Variants in ABLIM1 observed in about 807,000 individuals in gnomAD.
ABLIM1 encodes the protein actin-binding LIM protein 1.
A neutral mutation model predicts 107.0 loss-of-function variants in ABLIM1; 40 were observed. The observed-to-expected ratio is 0.37, with a 90% CI of 0.29 to 0.49. The LOEUF is 0.49. ABLIM1 is among the 20% of genes least tolerant of loss of function. ABLIM1 has a pLI of 0.97. For missense variants in ABLIM1, 857 were observed against 1,008.5 expected, an observed-to-expected ratio of 0.85 and a Z score of 2.04; for synonymous variants, 357 against 357.3, an observed-to-expected ratio of 1.00 and a Z score of 0.01.
intron 4 of ABLIM1, among the ~76,000 whole-genome samples, chr10:114,552,031 T>C (rs1469634239): frequency 2.0e-5 from 3 of 151,974 alleles, no homozygotes; most frequent in African/African-American, 7.3e-5. Flanking sequence ...ATCCCTATGA[T>C]ACACATCAAG....
intron 1 of ABLIM1, among the ~76,000 whole-genome samples, chr10:114,704,046 A>G (rs1463475428): frequency 6.6e-6 from 1 of 152,040 alleles, no homozygotes; most frequent in Non-Finnish European, 1.5e-5. Flanking sequence ...AAGATACTGG[A>G]CTTACACTCT....
intron 1 of ABLIM1, among the ~76,000 whole-genome samples, chr10:114,715,043 C>T (rs963164180): frequency 3.3e-5 from 5 of 152,118 alleles, no homozygotes; most frequent in Admixed American, 6.5e-5. Flanking sequence ...AAAAGTAAAA[C>T]CCCCAAATCA....
intron 1 of ABLIM1, among the ~76,000 whole-genome samples, chr10:114,630,657 T>G (rs1176676269): frequency 6.6e-6 from 1 of 152,162 alleles, no homozygotes; most frequent in African/African-American, 2.4e-5. Flanking sequence ...TCATCTTGAG[T>G]TCAGCATTTT....
chr10:114,766,719 T>C (rs2082902874), intron 1 of ABLIM1, among the ~76,000 whole-genome samples: 1 of 152,234 alleles, frequency 6.6e-6, no homozygotes, highest in Non-Finnish European at 1.5e-5. Flanking sequence ...ATATTCTCCA[T>C]ATGTTCCTTG....
chr10:114,503,442 T>C (rs771026923), intron 6 of ABLIM1, among the ~76,000 whole-genome samples: 1 of 150,122 alleles, frequency 6.7e-6, no homozygotes, highest in Non-Finnish European at 1.5e-5. Flanking sequence ...GAAAGAGATG[T>C]CTCCGAAAAA....
At chr10:114,679,271 T>C (rs527739801) in intron 1 of ABLIM1, among the ~76,000 whole-genome samples, 1 of 152,304 alleles carries the variant, frequency 6.6e-6, no homozygotes, top group East Asian at 1.9e-4. Flanking sequence ...CTGCCTGCTC[T>C]TCTGAGGGCT....
At chr10:114,674,633 T>C (rs1298325558) in intron 1 of ABLIM1, among the ~76,000 whole-genome samples, 1 of 151,890 alleles carries the variant, frequency 6.6e-6, no homozygotes, top group East Asian at 1.9e-4. Context: ...GATAATACAA[T>C]ATGTAAAGAC....
At chr10:114,761,566 C>T (rs1280495900) in intron 1 of ABLIM1, among the ~76,000 whole-genome samples, 2 of 152,180 alleles carry the variant, frequency 1.3e-5, no homozygotes, top group African/African-American at 4.8e-5. Context: ...CTTCTCATCC[C>T]TTTCTGCCCT....
In ABLIM1 at chr10:114,544,992, G is replaced by A. The variant is rs2067138015; in HGVS notation, c.894+13C>T. 1 of 1,613,354 alleles carries A rather than the reference G, an allele frequency of 6.2e-7. No homozygotes were observed. The highest frequency in any genetic ancestry group is 1.3e-5 in the African/African-American group (1 of 75,010). Reference sequence around the variant, plus strand: ...GATGGCGGTAGCTATGAGGGAGCCGGTCTGCCACTTACCTCCAGGACTTTC... The same window carrying A: ...GATGGCGGTAGCTATGAGGGAGCCGATCTGCCACTTACCTCCAGGACTTTC... On this transcript the variant is annotated intron_variant, in intron 6 of 22. Transcript: ENST00000533213.
chr10:114,468,137 C>A, intron 11 of ABLIM1, 44 bp downstream of exon 11: 1 of 1,575,502 alleles, frequency 6.3e-7, no homozygotes, highest in South Asian at 1.1e-5. Flanking sequence ...CCAAGCAATT[C>A]TCAAATTCCA....
chr10:114,444,829 A>AC (rs776699713), intron 16 of ABLIM1, among the ~76,000 whole-genome samples: 6 of 152,062 alleles, frequency 3.9e-5, no homozygotes, highest in Non-Finnish European at 8.8e-5. Context: ...TATGAAGAGG[A>AC]CCCCTTCATG....
At chr10:114,598,076 A>G (rs2075610059) in intron 2 of ABLIM1, among the ~76,000 whole-genome samples, 1 of 152,120 alleles carries the variant, frequency 6.6e-6, no homozygotes, top group South Asian at 2.1e-4. Context: ...GTTCAAGACC[A>G]GCCTGGTCAA....
chr10:114,703,602 G>T (rs895291093), intron 1 of ABLIM1, among the ~76,000 whole-genome samples: 9 of 152,196 alleles, frequency 5.9e-5, no homozygotes, highest in Non-Finnish European at 8.8e-5. Context: ...TTCTCTTAAA[G>T]ACTACAAGTG....
At chr10:114,699,974 T>C (rs550017700) in intron 1 of ABLIM1, among the ~76,000 whole-genome samples, 1 of 151,938 alleles carries the variant, frequency 6.6e-6, no homozygotes, top group Admixed American at 6.6e-5. Flanking sequence ...CTATTCTTTG[T>C]TTTTTTTCAG....
intron 4 of ABLIM1, among the ~76,000 whole-genome samples, chr10:114,558,249 A>G (rs1591188309): frequency 6.6e-6 from 1 of 152,120 alleles, no homozygotes; most frequent in Non-Finnish European, 1.5e-5. Flanking sequence ...TGAACAGGAA[A>G]CTAAAAGGAG....
chr10:114,751,035 G>A (rs917326890), intron 1 of ABLIM1, among the ~76,000 whole-genome samples: 3 of 152,222 alleles, frequency 2.0e-5, no homozygotes, highest in South Asian at 2.1e-4. Flanking sequence ...ATATTCAGTC[G>A]CTGATGCTTT....
chr10:114,791,001 C>T, the ABLIM1 span, among the ~76,000 whole-genome samples: 4 of 152,130 alleles, frequency 2.6e-5, no homozygotes, highest in Non-Finnish European at 5.9e-5. Context: ...GCTTTAAAAA[C>T]ACTGTTCTAT....
chr10:114,767,266 T>G (rs775038391), intron 1 of ABLIM1, among the ~76,000 whole-genome samples: 4 of 152,238 alleles, frequency 2.6e-5, no homozygotes, highest in Non-Finnish European at 5.9e-5. Context: ...TGGCACTTAC[T>G]GCTTTGCAAA....
intron 1 of ABLIM1, among the ~76,000 whole-genome samples, chr10:114,746,223 C>T (rs1427508833): frequency 6.6e-6 from 1 of 152,178 alleles, no homozygotes; most frequent in Non-Finnish European, 1.5e-5. Flanking sequence ...TACCCTTTGA[C>T]TACTATCATC....
Sources: gnomAD v4.1 joint callset for allele counts (sites outside exome capture counted in the v4.1 genomes callset) on GRCh38, gnomAD v4.1.1 for gene constraint, MANE v1.5 for transcripts, NCBI Gene and HGNC (gene_info 2026-07-23, HGNC 2026-07-21) for gene names.